RSRC1: variants seen among roughly 807,000 people sequenced by gnomAD.
RSRC1 encodes arginine and serine rich coiled-coil 1.
A neutral mutation model predicts 49.1 loss-of-function variants in RSRC1; 39 were observed. The ratio of observed to expected loss-of-function variants is 0.79; its 90% CI spans 0.61 to 1.04. The LOEUF (loss-of-function observed/expected upper bound fraction) is 1.04. RSRC1 is among the 50% of genes least tolerant of loss of function. The probability of loss-of-function intolerance (pLI) is 0.00; values close to 1 mark genes in which losing one functional copy is unlikely to be tolerated. For missense variants in RSRC1, 388 were observed against 402.4 expected, an observed-to-expected ratio of 0.96 and a Z score of 0.31; for synonymous variants, 143 against 130.8, an observed-to-expected ratio of 1.09 and a Z score of -0.63.
chr3:158,146,269 C>G (rs535621882), intron 3 of RSRC1, among the ~76,000 whole-genome samples: 1 of 152,238 alleles, frequency 6.6e-6, no homozygotes, highest in South Asian at 2.1e-4. Flanking sequence ...GTGGGTTTGT[C>G]ATTAATAGCT....
intron 6 of RSRC1, among the ~76,000 whole-genome samples, chr3:158,379,721 AGCTT>A (rs1291086952): frequency 6.6e-6 from 1 of 151,628 alleles, no homozygotes; most frequent in Non-Finnish European, 1.5e-5. Flanking sequence ...TATAGTACCT[AGCTT>A]ACTCTCTTGC....
chr3:158,344,484 T>C (rs1322911922), intron 5 of RSRC1, among the ~76,000 whole-genome samples: 1 of 152,160 alleles, frequency 6.6e-6, no homozygotes, highest in Admixed American at 6.6e-5. Flanking sequence ...AAGAAAAGTT[T>C]TATAAAATTT....
At chr3:158,214,509 G>C (rs927568181) in intron 4 of RSRC1, among the ~76,000 whole-genome samples, 9 of 151,348 alleles carry the variant, frequency 5.9e-5, no homozygotes, top group African/African-American at 2.2e-4. Flanking sequence ...CCTTAAGGTA[G>C]GACCTTAGAT....
In RSRC1 at chr3:158,545,273, C is replaced by G. The variant is rs1576619766; in HGVS notation, c.*998C>G. ...CTGGAGTGCAGTGGCGCGATCTCAG[C>G]TCACTGCAAGCTCCGCCTCCCAGGT... On this transcript the variant is annotated 3_prime_UTR_variant, in exon 10 of 10. Coordinates refer to ENST00000611884, the MANE Select transcript of RSRC1 (RefSeq NM_001271838.2). 7.3e-6 allele frequency: 1 copy of G among 137,862 alleles called. No individual in the cohort carries two copies. Among genetic ancestry groups the G allele is most frequent in the East Asian group, 2.2e-4 (1 of 4,588 alleles). 8.5% of individuals were successfully genotyped at this position (137,862 alleles called of 1,614,324 possible).
At chr3:158,176,401 A>G (rs770254896) in intron 3 of RSRC1, among the ~76,000 whole-genome samples, 2 of 152,216 alleles carry the variant, frequency 1.3e-5, no homozygotes. Flanking sequence ...ACTTCAAACT[A>G]TACTACAAGG....
At chr3:158,518,566 T>C (rs968309784) in intron 7 of RSRC1, among the ~76,000 whole-genome samples, 1 of 152,130 alleles carries the variant, frequency 6.6e-6, no homozygotes, top group African/African-American at 2.4e-5. Context: ...TCATTTAATT[T>C]ATCATATATC....
At chr3:158,465,162 A>G (rs2108411931) in intron 7 of RSRC1, among the ~76,000 whole-genome samples, 1 of 152,190 alleles carries the variant, frequency 6.6e-6, no homozygotes, top group South Asian at 2.1e-4. Flanking sequence ...CAGGGTGTCT[A>G]TGTCCTTTTT....
chr3:158,199,542 A>G (rs1188455366), intron 3 of RSRC1, among the ~76,000 whole-genome samples: 1 of 151,896 alleles, frequency 6.6e-6, no homozygotes, highest in South Asian at 2.1e-4. Context: ...CTTTCTTCCA[A>G]CTACTTTGGA....
intron 6 of RSRC1, among the ~76,000 whole-genome samples, chr3:158,360,464 A>G (rs1255721738): frequency 6.6e-6 from 1 of 152,096 alleles, no homozygotes; most frequent in African/African-American, 2.4e-5. Flanking sequence ...TCTGCCCAGG[A>G]GACCTTCTGC....
At chr3:158,276,363 C>T (rs918246121) in intron 4 of RSRC1, 18 of 776,222 alleles carry the variant, frequency 2.3e-5, no homozygotes, top group Non-Finnish European at 3.7e-5. Context: ...CAGAAGAAAG[C>T]GCATGATGAC....
chr3:158,186,806 A>T (rs990879296), intron 3 of RSRC1, among the ~76,000 whole-genome samples: 3 of 151,826 alleles, frequency 2.0e-5, no homozygotes. Flanking sequence ...CTTCTTCCCA[A>T]TTCTACCTTT....
At chr3:158,112,877 T>A (rs1447042622) in intron 1 of RSRC1, among the ~76,000 whole-genome samples, 1 of 152,194 alleles carries the variant, frequency 6.6e-6, no homozygotes, top group African/African-American at 2.4e-5. Context: ...CTCCCACTTA[T>A]GAGTGAGAAT....
At chr3:158,354,001 T>C (rs900318995) in intron 5 of RSRC1, among the ~76,000 whole-genome samples, 19 of 140,758 alleles carry the variant, frequency 1.3e-4, no homozygotes, top group East Asian at 4.0e-4. Flanking sequence ...TTTTCTTTTT[T>C]TTTTTTTTTT....
chr3:158,540,052 A>G (rs1024373714), intron 8 of RSRC1, among the ~76,000 whole-genome samples: 38 of 152,230 alleles, frequency 2.5e-4, no homozygotes, highest in Admixed American at 7.2e-4. Context: ...ATGCTCTTAC[A>G]GTCCCCGTAA....
chr3:158,192,126 G>A (rs180688114), intron 3 of RSRC1, among the ~76,000 whole-genome samples: 1 of 152,024 alleles, frequency 6.6e-6, no homozygotes, highest in African/African-American at 2.4e-5. Context: ...ATGATTAAGA[G>A]GCATACAGTG....
chr3:158,270,817 T>G (rs1032511917), intron 4 of RSRC1, among the ~76,000 whole-genome samples: 3 of 152,206 alleles, frequency 2.0e-5, no homozygotes, highest in Non-Finnish European at 4.4e-5. Context: ...TAAATATTAG[T>G]GATCAAGTCT....
chr3:158,220,121 C>T (rs1722150392), intron 4 of RSRC1, among the ~76,000 whole-genome samples: 1 of 151,576 alleles, frequency 6.6e-6, no homozygotes, highest in Non-Finnish European at 1.5e-5. Flanking sequence ...ATTACTACTT[C>T]ATATGTTTGC....
intron 7 of RSRC1, among the ~76,000 whole-genome samples, chr3:158,473,606 T>A (rs1738238711): frequency 6.6e-6 from 1 of 152,014 alleles, no homozygotes; most frequent in Admixed American, 6.6e-5. Context: ...GGCACATGTA[T>A]ACATATGTAA....
chr3:158,332,024 A>AT (rs35353420), intron 5 of RSRC1, among the ~76,000 whole-genome samples: 1 of 152,012 alleles, frequency 6.6e-6, no homozygotes, highest in Non-Finnish European at 1.5e-5. Context: ...AATTTATGTC[A>AT]TTTTTTAGGT....
Sources: allele counts gnomAD v4.1 joint callset (sites outside exome capture counted in the v4.1 genomes callset), GRCh38; gene constraint gnomAD v4.1.1; transcripts MANE v1.5; gene names NCBI Gene and HGNC (gene_info 2026-07-23, HGNC 2026-07-21).